Variants in AGMO observed in about 807,000 individuals in gnomAD.
AGMO encodes glyceryl-ether monooxygenase.
A neutral mutation model predicts 60.2 loss-of-function variants in AGMO; 75 were observed. That is an observed-to-expected ratio of 1.25 (90% confidence interval 1.03 to 1.51). The LOEUF (loss-of-function observed/expected upper bound fraction) is 1.51, where lower values mean the gene tolerates loss of function less well. AGMO is among the 40% of genes most tolerant of loss of function. The pLI, the probability that AGMO is intolerant of heterozygous loss-of-function variation, is 0.00. For missense variants in AGMO, 763 were observed against 525.5 expected (o/e 1.45, Z -4.42); for synonymous variants, 261 against 177.1 (o/e 1.47, Z -3.76).
chr7:15,517,836 T>C (rs963410385), intron 3 of AGMO, among the ~76,000 whole-genome samples: 5 of 151,942 alleles, frequency 3.3e-5, no homozygotes, highest in African/African-American at 1.2e-4. Context: ...CTCACTTCCC[T>C]GGAAAGGGAG....
At chr7:15,337,969 G>C (rs1000967328) in intron 12 of AGMO, among the ~76,000 whole-genome samples, 1 of 152,154 alleles carries the variant, frequency 6.6e-6, no homozygotes, top group Non-Finnish European at 1.5e-5. Flanking sequence ...ATCTGGGGTT[G>C]TAATTAAGCA....
At chr7:15,348,636 A>G (rs1178507068) in intron 12 of AGMO, among the ~76,000 whole-genome samples, 1 of 152,074 alleles carries the variant, frequency 6.6e-6, no homozygotes, top group Non-Finnish European at 1.5e-5. Context: ...CTGTGCAGTC[A>G]GAGAATCTAC....
intron 3 of AGMO, among the ~76,000 whole-genome samples, chr7:15,508,473 C>T (rs1783581997): frequency 6.6e-6 from 1 of 152,110 alleles, no homozygotes; most frequent in Admixed American, 6.6e-5. Flanking sequence ...AAGCTGCTCC[C>T]TGCAATAAAA....
intron 12 of AGMO, among the ~76,000 whole-genome samples, chr7:15,256,554 G>A (rs148009003): frequency 1.1e-4 from 16 of 152,088 alleles, no homozygotes; most frequent in African/African-American, 3.6e-4. Flanking sequence ...TAGTAGAGAC[G>A]GAGTTTCACA....
the AGMO span, among the ~76,000 whole-genome samples, chr7:15,131,569 C>T: frequency 1.3e-5 from 2 of 152,068 alleles, no homozygotes; most frequent in Non-Finnish European, 2.9e-5. Context: ...TGTTTGACTA[C>T]TTAGCAGAAT....
chr7:15,143,200 G>A, the AGMO span, among the ~76,000 whole-genome samples: 1 of 152,082 alleles, frequency 6.6e-6, no homozygotes, highest in Admixed American at 6.5e-5. Flanking sequence ...TTCTGCTATT[G>A]AACGTGAAAT....
At chr7:15,135,162 T>TTG in the AGMO span, among the ~76,000 whole-genome samples, 4,171 of 102,026 alleles carry the variant, frequency 0.041, 174 homozygotes, top group African/African-American at 0.14. Flanking sequence ...TTATATGAGT[T>TTG]TGTGTGTGTG....
intron 2 of AGMO, among the ~76,000 whole-genome samples, chr7:15,552,370 A>T (rs1038191714): frequency 5.9e-5 from 9 of 152,342 alleles, no homozygotes; most frequent in African/African-American, 1.9e-4. Context: ...AACTACCATT[A>T]GAGTGAACAG....
At chr7:15,127,218 G>C in the AGMO span, among the ~76,000 whole-genome samples, 1 of 152,000 alleles carries the variant, frequency 6.6e-6, no homozygotes, top group Non-Finnish European at 1.5e-5. Flanking sequence ...TGTGTCACAG[G>C]CCATGGTCAC....
intron 10 of AGMO, among the ~76,000 whole-genome samples, chr7:15,378,932 A>T (rs982498063): frequency 6.6e-6 from 1 of 152,096 alleles, no homozygotes; most frequent in Non-Finnish European, 1.5e-5. Context: ...ACCACAGCAC[A>T]ATTAGAAATT....
At chr7:15,408,453 T>G (rs1583520751) in intron 5 of AGMO, among the ~76,000 whole-genome samples, 1 of 151,856 alleles carries the variant, frequency 6.6e-6, no homozygotes, top group South Asian at 2.1e-4. Flanking sequence ...GATTATAAAT[T>G]CAGGCAGGGC....
chr7:15,269,512 T>C (rs1457716691), intron 12 of AGMO, among the ~76,000 whole-genome samples: 2 of 151,682 alleles, frequency 1.3e-5, no homozygotes, highest in Non-Finnish European at 2.9e-5. Flanking sequence ...TAGATAGGGG[T>C]GCATGAAAGG....
the AGMO span, among the ~76,000 whole-genome samples, chr7:15,167,820 G>A: frequency 2.6e-5 from 4 of 152,190 alleles, no homozygotes; most frequent in African/African-American, 7.2e-5. Flanking sequence ...TTCTGGAAAT[G>A]AAAGTGTGAT....
chr7:15,299,861 AC>A (rs1164750357), intron 12 of AGMO, among the ~76,000 whole-genome samples: 8 of 150,920 alleles, frequency 5.3e-5, no homozygotes, highest in Admixed American at 2.0e-4. Flanking sequence ...ACACACACAC[AC>A]ACACACACAC....
chr7:15,308,074 C>G (rs1780666243), intron 12 of AGMO, among the ~76,000 whole-genome samples: 1 of 152,060 alleles, frequency 6.6e-6, no homozygotes, highest in Non-Finnish European at 1.5e-5. Flanking sequence ...TTCAGTTTTC[C>G]ATCCATTACC....
At chr7:15,473,374 G>C (rs74465942) in intron 3 of AGMO, among the ~76,000 whole-genome samples, 14 of 152,030 alleles carry the variant, frequency 9.2e-5, no homozygotes, top group East Asian at 1.9e-4. Context: ...TAGAAGAAAA[G>C]GGACTCCTCC....
intron 10 of AGMO, among the ~76,000 whole-genome samples, chr7:15,383,208 G>A (rs559724792): frequency 1.3e-5 from 2 of 152,150 alleles, no homozygotes; most frequent in Non-Finnish European, 2.9e-5. Context: ...TTTACCTAGA[G>A]CAAGTTGGTA....
chr7:15,488,338 G>A (rs553436550), intron 3 of AGMO, among the ~76,000 whole-genome samples: 128 of 152,256 alleles, frequency 8.4e-4, no homozygotes, highest in African/African-American at 3.0e-3. Context: ...CATACTTAAA[G>A]CCAGAAACTT....
At chr7:15,542,165 A>C (rs1204914238) in intron 3 of AGMO, among the ~76,000 whole-genome samples, 3 of 152,320 alleles carry the variant, frequency 2.0e-5, no homozygotes, top group East Asian at 3.9e-4. Flanking sequence ...AAATTTAAAA[A>C]TTAAGCATTA....
Sources: allele counts gnomAD v4.1 joint callset (sites outside exome capture counted in the v4.1 genomes callset), GRCh38; gene constraint gnomAD v4.1.1; transcripts MANE v1.5; gene names NCBI Gene and HGNC (gene_info 2026-07-23, HGNC 2026-07-21).